The following GATAD2B variants were observed in gnomAD, a reference collection of about 807,000 sequenced individuals.
The protein encoded by GATAD2B is transcriptional repressor p66-beta.
In GATAD2B, 8 loss-of-function variants were observed where a neutral mutation model predicts 64.3. The observed-to-expected ratio is 0.12, with a 90% CI of 0.07 to 0.22. The LOEUF (loss-of-function observed/expected upper bound fraction) is 0.22. Ranked by LOEUF, GATAD2B falls within the 10% of genes least tolerant of loss-of-function variation. The pLI is 1.00. For missense variants in GATAD2B, 453 were observed against 752.0 expected (o/e 0.60, Z 4.65); for synonymous variants, 281 against 271.3 (o/e 1.04, Z -0.35).
chr1:153,902,974 T>C (rs1159979770), intron 1 of GATAD2B, among the ~76,000 whole-genome samples: 2 of 152,004 alleles, frequency 1.3e-5, no homozygotes, highest in Admixed American at 1.3e-4. Context: ...TCCCAGGACT[T>C]GGGGAGGCCG....
At position 153,883,450 on chromosome 1, in the gene GATAD2B, G is replaced by A. The variant is rs541672385; in HGVS notation, c.-2+39283C>T. On this transcript the variant is annotated intron_variant, in intron 1 of 10. Transcript: ENST00000368655. The stretch of plus-strand genomic sequence containing the variant: ...AGTCACAATAAGGTCCTCTTAATAG[G>A]AGACCATCAGAGGTATCCAGATCTA... Among the ~76,000 whole-genome samples, 8 of 152,284 alleles carry A rather than the reference G, an allele frequency of 5.3e-5. No homozygotes were observed. In the South Asian group the frequency reaches 6.2e-4, roughly 12 times the overall value.
rs529347940 is a variant in GATAD2B at position 153,889,290 on chromosome 1, T to TA, written c.-2+33442dup. 4.0e-5 allele frequency among the ~76,000 whole-genome samples: 6 copies of TA among 151,528 alleles called. No individual in the cohort carries two copies. In the South Asian group the frequency reaches 8.4e-4, roughly 21 times the overall value. ...AGCAGGGCGTGGTGGCACATCCCTG[T>TA]AATCCCAGCTACTCGGTGGGCTGAG... On this transcript the variant is annotated intron_variant, in intron 1 of 10. Coordinates refer to ENST00000368655, the MANE Select transcript of GATAD2B (RefSeq NM_020699.4).
At chr1:153,920,069 G>A (rs1018473531) in intron 1 of GATAD2B, among the ~76,000 whole-genome samples, 1 of 152,218 alleles carries the variant, frequency 6.6e-6, no homozygotes, top group Non-Finnish European at 1.5e-5. Flanking sequence ...TGGCTAACAT[G>A]GAATATGCTC....
In GATAD2B at chr1:153,805,073, A is replaced by AC. The variant is rs1028594272; in HGVS notation, c.*5103dup. The stretch of plus-strand genomic sequence containing the variant: ...TCCCCATCCCACCTCCCTGCTCCCC[A>AC]CCCCCCAACCCCAATCTATCCTTTC... On this transcript the variant is annotated 3_prime_UTR_variant, in exon 11 of 11. Transcript: ENST00000368655. 6.7e-5 allele frequency: 1 copy of AC among 14,982 alleles called. No individual in the cohort carries two copies. The highest frequency in any genetic ancestry group is 1.4e-4 in the Non-Finnish European group (1 of 6,990). The allele number at this position is 14,982 out of a possible 1,614,324, so 0.9% of individuals were successfully genotyped here.
At chr1:153,898,178 T>C (rs987128016) in intron 1 of GATAD2B, among the ~76,000 whole-genome samples, 1 of 150,668 alleles carries the variant, frequency 6.6e-6, no homozygotes, top group Non-Finnish European at 1.5e-5. Flanking sequence ...TAACAACACA[T>C]GCCTGTAGTC....
At chr1:153,888,408 TA>T (rs1250228463) in intron 1 of GATAD2B, among the ~76,000 whole-genome samples, 5 of 152,210 alleles carry the variant, frequency 3.3e-5, no homozygotes, top group Admixed American at 3.3e-4. Flanking sequence ...CCTAAATCCC[TA>T]ACTTATTCTC....
At chr1:153,889,226 A>G (rs922434174) in intron 1 of GATAD2B, among the ~76,000 whole-genome samples, 36 of 151,880 alleles carry the variant, frequency 2.4e-4, no homozygotes, top group African/African-American at 8.7e-4. Context: ...AAGCCTGACC[A>G]ACATGGAAAA....
chr1:153,899,519 G>C (rs557598932), intron 1 of GATAD2B, among the ~76,000 whole-genome samples: 28 of 150,318 alleles, frequency 1.9e-4, no homozygotes, highest in Non-Finnish European at 3.4e-4. Flanking sequence ...GTGAGCCCAA[G>C]ATCGCGCCAT....
At position 153,812,141 on chromosome 1, in the gene GATAD2B, A is replaced by T; in HGVS notation, c.1420-9T>A. ...AATCGCTGTTCAATTTCCTGTTGGG[A>T]GTCATCACATCAGGTGATTGAGCAG... On this transcript the variant is annotated splice_polypyrimidine_tract_variant and intron_variant, in intron 8 of 10. Coordinates refer to ENST00000368655, the MANE Select transcript of GATAD2B (RefSeq NM_020699.4). The T allele has an allele frequency of 6.8e-7, 1 of 1,469,076 alleles. No homozygotes were observed. The highest frequency in any genetic ancestry group is 9.5e-7 in the Non-Finnish European group (1 of 1,050,526). 91.0% of individuals were successfully genotyped at this position (1,469,076 alleles called of 1,614,324 possible).
chr1:153,824,356 G>A (rs2101887888), intron 2 of GATAD2B, among the ~76,000 whole-genome samples: 1 of 152,276 alleles, frequency 6.6e-6, no homozygotes, highest in East Asian at 1.9e-4. Flanking sequence ...TTGGCTAGGT[G>A]TGGTGGCTCA....
chr1:153,889,255 A>C (rs1230194886), intron 1 of GATAD2B, among the ~76,000 whole-genome samples: 2 of 151,782 alleles, frequency 1.3e-5, no homozygotes, highest in African/African-American at 4.8e-5. Flanking sequence ...TCTACTAAAA[A>C]TACAAAATTA....
chr1:153,852,122 G>A (rs954409909), intron 1 of GATAD2B: 17 of 645,226 alleles, frequency 2.6e-5, no homozygotes, highest in South Asian at 1.8e-4. Context: ...TGCTCAGATC[G>A]CTGGGCCTCC....
At chr1:153,876,119 T>C (rs1676821106) in intron 1 of GATAD2B, among the ~76,000 whole-genome samples, 1 of 149,514 alleles carries the variant, frequency 6.7e-6, no homozygotes, top group Admixed American at 6.8e-5. Flanking sequence ...TCCCAGCTAC[T>C]CAGTAGGCTG....
intron 1 of GATAD2B, among the ~76,000 whole-genome samples, chr1:153,885,301 A>C (rs1677144537): frequency 6.6e-6 from 1 of 152,146 alleles, no homozygotes; most frequent in Non-Finnish European, 1.5e-5. Context: ...TGATGGAAGT[A>C]AAAACACATA....
rs769786383 is a variant in GATAD2B at position 153,807,562 on chromosome 1, T to C, written c.*2615A>G. On this transcript the variant is annotated 3_prime_UTR_variant, in exon 11 of 11. Coordinates refer to ENST00000368655, the MANE Select transcript of GATAD2B (RefSeq NM_020699.4). ...TATACTAGTCAAGAAGCAGCTTCTA[T>C]GTAACTGACCCTGAGGGGATAAAAA... The C allele has an allele frequency of 3.9e-5, 6 of 152,366 alleles. No individual in the cohort carries two copies. The highest frequency in any genetic ancestry group is 7.3e-5 in the Non-Finnish European group (5 of 68,042). The allele number at this position is 152,366 out of a possible 1,614,324, so 9.4% of individuals were successfully genotyped here.
At chr1:153,875,549 C>G (rs572035207) in intron 1 of GATAD2B, among the ~76,000 whole-genome samples, 1 of 152,150 alleles carries the variant, frequency 6.6e-6, no homozygotes, top group African/African-American at 2.4e-5. Context: ...GGGGCAAGTA[C>G]TAAACTCTGC....
chr1:153,917,009 T>C (rs887095229), intron 1 of GATAD2B, among the ~76,000 whole-genome samples: 2 of 150,352 alleles, frequency 1.3e-5, no homozygotes, highest in African/African-American at 4.9e-5. Flanking sequence ...GGTTTCACCA[T>C]TTTGGCCAGG....
At chr1:153,889,436 A>C (rs1042043185) in intron 1 of GATAD2B, among the ~76,000 whole-genome samples, 3 of 146,896 alleles carry the variant, frequency 2.0e-5, no homozygotes, top group Non-Finnish European at 3.0e-5. Context: ...AAAAAAAAAA[A>C]CACACAAAAC....
rs561237375 is a variant in GATAD2B at position 153,879,084 on chromosome 1, C to T, written c.-2+43649G>A. Among the ~76,000 whole-genome samples, 18 of 152,186 alleles carry T rather than the reference C, an allele frequency of 1.2e-4. No homozygotes were observed. The East Asian group carries it at 1.3e-3, about 11-fold the overall frequency. ...CCTCCCGAGTAGCTGGGACTACAGGCGCAAGCCACCACGCCCGGCTAATTT... is the reference window on the plus strand; with the variant it reads ...CCTCCCGAGTAGCTGGGACTACAGGTGCAAGCCACCACGCCCGGCTAATTT... On this transcript the variant is annotated intron_variant, in intron 1 of 10. Transcript: ENST00000368655.
Sources: allele counts gnomAD v4.1 joint callset (sites outside exome capture counted in the v4.1 genomes callset), GRCh38; gene constraint gnomAD v4.1.1; transcripts MANE v1.5; gene names NCBI Gene and HGNC (gene_info 2026-07-23, HGNC 2026-07-21).